CEP126: variants seen among roughly 807,000 people sequenced by gnomAD.
CEP126 encodes the protein centrosomal protein of 126 kDa.
A neutral mutation model predicts 107.8 loss-of-function variants in CEP126; 74 were observed. The observed-to-expected ratio is 0.69, with a 90% CI of 0.57 to 0.83. The LOEUF is 0.83. Among genes scored for constraint, CEP126 ranks in the 40% least tolerant of loss-of-function variants. The pLI is 0.00. For synonymous variants in CEP126, 449 were observed against 446.0 expected (o/e 1.01, Z -0.08); for missense variants, 1,237 against 1,281.9 (o/e 0.96, Z 0.53).
chr11:101,989,955 A>C (rs1231994988), intron 9 of CEP126, among the ~76,000 whole-genome samples: 1 of 152,134 alleles, frequency 6.6e-6, no homozygotes, highest in Non-Finnish European at 1.5e-5. Flanking sequence ...GTGAGACTCC[A>C]TCTCAAAAAC....
chr11:101,927,402 A>G (rs1289318118), intron 2 of CEP126, among the ~76,000 whole-genome samples: 4 of 152,334 alleles, frequency 2.6e-5, no homozygotes, highest in Non-Finnish European at 5.9e-5. Flanking sequence ...GAGAGATTCC[A>G]TATACCTTTT....
At chr11:101,925,379 A>G (rs1425626919) in intron 2 of CEP126, among the ~76,000 whole-genome samples, 2 of 152,316 alleles carry the variant, frequency 1.3e-5, no homozygotes, top group South Asian at 2.1e-4. Context: ...TATTCACTCA[A>G]CATGGAGAAT....
chr11:101,924,400 G>C (rs1183141025), intron 2 of CEP126, among the ~76,000 whole-genome samples: 1 of 151,908 alleles, frequency 6.6e-6, no homozygotes, highest in East Asian at 1.9e-4. Context: ...TTACATTGTG[G>C]TCACAGAGGA....
chr11:101,948,163 G>A, intron 4 of CEP126, 21 bp downstream of exon 4: 1 of 1,403,412 alleles, frequency 7.1e-7, no homozygotes. Context: ...TATGATCATT[G>A]TATACAATTA....
chr11:101,923,767 A>C (rs1390828825), intron 2 of CEP126, among the ~76,000 whole-genome samples: 2 of 152,176 alleles, frequency 1.3e-5, no homozygotes, highest in Non-Finnish European at 2.9e-5. Context: ...TGAAAGAGTA[A>C]TGGACTTTGG....
chr11:101,969,227 C>G (rs1277560376), intron 6 of CEP126, among the ~76,000 whole-genome samples: 6 of 152,108 alleles, frequency 3.9e-5, no homozygotes, highest in Non-Finnish European at 1.5e-5. Flanking sequence ...CACCTTGTTT[C>G]CCAGGCTGGT....
chr11:101,917,713 C>T (rs915341659), intron 1 of CEP126, among the ~76,000 whole-genome samples: 7 of 151,826 alleles, frequency 4.6e-5, no homozygotes, highest in African/African-American at 1.7e-4. Context: ...ACCCACCTTG[C>T]CTCTCCTTTC....
chr11:101,926,360 C>G (rs1202677552), intron 2 of CEP126, among the ~76,000 whole-genome samples: 1 of 152,122 alleles, frequency 6.6e-6, no homozygotes, highest in South Asian at 2.1e-4. Context: ...ATGAAATACA[C>G]GACAAAAGTT....
intron 2 of CEP126, 53 bp from the exon 3 acceptor site, chr11:101,944,210 CTA>C: frequency 2.8e-6 from 4 of 1,420,398 alleles, no homozygotes; most frequent in Non-Finnish European, 3.8e-6. Flanking sequence ...CATTTTGAAA[CTA>C]TTTTCTAAAC....
At chr11:101,976,947 A>G (rs940598101) in intron 6 of CEP126, among the ~76,000 whole-genome samples, 2 of 152,216 alleles carry the variant, frequency 1.3e-5, no homozygotes, top group African/African-American at 4.8e-5. Context: ...ATGGATTCCA[A>G]GACTTTTTAT....
chr11:101,935,933 ACT>A (rs1158543349), intron 2 of CEP126, among the ~76,000 whole-genome samples: 1 of 151,866 alleles, frequency 6.6e-6, no homozygotes, highest in Non-Finnish European at 1.5e-5. Flanking sequence ...AAGGGGCAAA[ACT>A]CTCCTCAGTT....
chr11:101,938,976 C>A (rs956225333), intron 2 of CEP126, among the ~76,000 whole-genome samples: 11 of 151,936 alleles, frequency 7.2e-5, no homozygotes, highest in African/African-American at 2.7e-4. Flanking sequence ...ATTAACATTT[C>A]TTTTATGGCT....
chr11:101,920,856 T>G (rs1940315621), intron 1 of CEP126, among the ~76,000 whole-genome samples: 1 of 152,164 alleles, frequency 6.6e-6, no homozygotes, highest in Non-Finnish European at 1.5e-5. Flanking sequence ...TCTGCCCACC[T>G]TGGCCTCCCA....
At chr11:101,980,885 A>C (rs1026740179) in intron 7 of CEP126, among the ~76,000 whole-genome samples, 40 of 152,258 alleles carry the variant, frequency 2.6e-4, no homozygotes, top group Non-Finnish European at 2.9e-5. Flanking sequence ...GATCTACTGA[A>C]GGAGAGCTGT....
rs1214160661 is a variant in CEP126 at position 101,915,405 on chromosome 11, T to C, written c.121T>C (p.Ser41Pro). 1.2e-6 allele frequency: 2 copies of C among 1,612,774 alleles called. No individual in the cohort carries two copies. The highest frequency in any genetic ancestry group is 2.2e-5 in the East Asian group (1 of 44,858). The change falls in exon 1 of 11, where the codon TCT becomes CCT. Residue 41 changes from serine (S) to proline (P), a missense_variant. By Grantham distance (74) the Ser-to-Pro change is moderately conservative. Around this residue, in one of 3 missense-constraint regions of CEP126, gnomAD observed 1,134 missense variants for 1,150.5 expected, o/e 0.99. Transcript: ENST00000263468. ...GAGCGGCGGGCATCACCGACCTGGC[T>C]CTTACCTGTATCCTTCCCAGCCTGT... ...RESGGHHRPG[S>P]YLDMKIHLEK...
At position 101,999,223 on chromosome 11, in the gene CEP126, A is replaced by G. The variant is rs191401314; in HGVS notation, c.*1580A>G. On this transcript the variant is annotated 3_prime_UTR_variant, in exon 11 of 11. Coordinates refer to ENST00000263468, the MANE Select transcript of CEP126 (RefSeq NM_020802.4). ...ATGTAATTTATAAAATAACATTTCA[A>G]TGGGGGTAAACAGGCCAGAAGAGTG... 1 of 152,178 alleles carries G rather than the reference A, an allele frequency of 6.6e-6. No individual in the cohort carries two copies. The highest frequency in any genetic ancestry group is 1.9e-4 in the East Asian group (1 of 5,172). 9.4% of individuals were successfully genotyped at this position (152,178 alleles called of 1,614,324 possible).
In CEP126 at chr11:101,931,732, G is replaced by C. The variant is rs757492896; in HGVS notation, c.248+8972G>C. Among the ~76,000 whole-genome samples, 27 of 152,208 alleles carry C rather than the reference G, an allele frequency of 1.8e-4. 1 individual carries two copies. Among genetic ancestry groups the C allele is most frequent in the Middle Eastern group, 3.4e-3 (1 of 294 alleles). Reference sequence around the variant, plus strand: ...AGAAGAAAGAAATGTATCACAAAAGGCAAGTTCTTCAGTTCTATGTTTGTC... The same window carrying C: ...AGAAGAAAGAAATGTATCACAAAAGCCAAGTTCTTCAGTTCTATGTTTGTC... On this transcript the variant is annotated intron_variant, in intron 2 of 10. Transcript: ENST00000263468.
At chr11:101,918,396 C>T (rs562654604) in intron 1 of CEP126, among the ~76,000 whole-genome samples, 10 of 152,080 alleles carry the variant, frequency 6.6e-5, no homozygotes, top group African/African-American at 2.4e-4. Flanking sequence ...TGCAGTGAGC[C>T]GAGATTATGC....
chr11:101,915,175 G>A lies in CEP126; in HGVS notation c.-110G>A. The A allele has an allele frequency of 2.0e-6, 3 of 1,499,810 alleles. No individual in the cohort carries two copies. The highest frequency in any genetic ancestry group is 1.3e-5 in the South Asian group (1 of 78,220). The allele number at this position is 1,499,810 out of a possible 1,614,324, so 92.9% of individuals were successfully genotyped here. On this transcript the variant is annotated 5_prime_UTR_variant, in exon 1 of 11. Transcript: ENST00000263468. ...GCCAACCCTTCCGCGCCCGTGACGC[G>A]GGGCCTGAGAGACGGAGTGTAGGGA...
Sources: allele counts gnomAD v4.1 joint callset (sites outside exome capture counted in the v4.1 genomes callset), GRCh38; gene constraint gnomAD v4.1.1; regional missense constraint gnomAD v4.1.1; transcripts MANE v1.5; gene names NCBI Gene and HGNC (gene_info 2026-07-23, HGNC 2026-07-21).